Variants in LMBRD1 observed in about 807,000 individuals in gnomAD.
LMBRD1 encodes the protein LMBR1 domain containing 1.
Under a neutral mutation model 74.8 loss-of-function variants are expected in LMBRD1, and 64 were observed. The observed-to-expected ratio is 0.86, with a 90% CI of 0.70 to 1.05. The LOEUF is 1.05. Ranked by LOEUF, LMBRD1 falls within the 50% of genes least tolerant of loss-of-function variation. The probability of loss-of-function intolerance (pLI) is 0.00; values close to 1 mark genes in which losing one functional copy is unlikely to be tolerated. For synonymous variants in LMBRD1, 204 were observed against 216.3 expected (o/e 0.94, Z 0.50); for missense variants, 652 against 645.9 (o/e 1.01, Z -0.10).
chr6:69,745,613 C>G (rs2149873714), intron 5 of LMBRD1, among the ~76,000 whole-genome samples: 1 of 152,312 alleles, frequency 6.6e-6, no homozygotes, highest in South Asian at 2.1e-4. Context: ...TGGCTAATGT[C>G]ATATCCTGTC....
In LMBRD1 at chr6:69,784,792, C is replaced by T. The variant is rs118007304; in HGVS notation, c.247-4238G>A. 5.4e-3 allele frequency among the ~76,000 whole-genome samples: 824 copies of T among 152,286 alleles called. 5 individuals are homozygous for T. Among genetic ancestry groups the T allele is most frequent in the Non-Finnish European group, 7.6e-3 (520 of 68,026 alleles). ...ACCCAACCCTTTCACTTTCACTCAC[C>T]CTTCTGGAGGAAACTGCACCTGCAA... On this transcript the variant is annotated intron_variant, in intron 2 of 15. Transcript: ENST00000649934.
chr6:69,764,924 T>C (rs1418999694), intron 3 of LMBRD1, among the ~76,000 whole-genome samples: 1 of 132,526 alleles, frequency 7.5e-6, no homozygotes, highest in Non-Finnish European at 1.7e-5. Flanking sequence ...CCTTAATTTC[T>C]TTTCTTTTTT....
rs1444846546 is a variant in LMBRD1, at chr6:69,675,981, A to G, written c.*177T>C. On this transcript the variant is annotated 3_prime_UTR_variant, in exon 16 of 16. Coordinates refer to ENST00000649934, the MANE Select transcript of LMBRD1 (RefSeq NM_018368.4). Reference sequence around the variant, plus strand: ...CATAGCATGATTATGGTAATTTAAAATGTTAATCTATGATACAATGTTACT... The same window carrying G: ...CATAGCATGATTATGGTAATTTAAAGTGTTAATCTATGATACAATGTTACT... The G allele has an allele frequency of 5.0e-6, 3 of 604,694 alleles. No homozygotes were observed. The highest frequency in any genetic ancestry group is 8.8e-6 in the Non-Finnish European group (3 of 342,550). 37.5% of individuals were successfully genotyped at this position (604,694 alleles called of 1,614,324 possible). A position where few individuals can be genotyped will look rare whatever the true frequency, so the allele number is the denominator to read the frequency against.
intron 1 of LMBRD1, among the ~76,000 whole-genome samples, chr6:69,794,040 G>A (rs938911797): frequency 1.3e-5 from 2 of 152,210 alleles, no homozygotes; most frequent in African/African-American, 4.8e-5. Context: ...ATATTTAGTA[G>A]ATGATTGGCA....
At chr6:69,756,515 C>T (rs1765269696) in intron 3 of LMBRD1, among the ~76,000 whole-genome samples, 1 of 152,116 alleles carries the variant, frequency 6.6e-6, no homozygotes, top group Non-Finnish European at 1.5e-5. Context: ...AATGCAGAAA[C>T]AACTAACATT....
At chr6:69,719,631 A>G (rs1055373356) in intron 7 of LMBRD1, among the ~76,000 whole-genome samples, 1 of 152,180 alleles carries the variant, frequency 6.6e-6, no homozygotes, top group Non-Finnish European at 1.5e-5. Flanking sequence ...ATTAAGAATA[A>G]ACATGTTATT....
At chr6:69,724,635 T>C (rs145000340) in intron 7 of LMBRD1, among the ~76,000 whole-genome samples, 4 of 151,376 alleles carry the variant, frequency 2.6e-5, no homozygotes, top group African/African-American at 4.8e-5. Context: ...ATCATTTCAA[T>C]TGATGCTGAA....
At chr6:69,724,303 T>C (rs1766678038) in intron 7 of LMBRD1, among the ~76,000 whole-genome samples, 1 of 146,888 alleles carries the variant, frequency 6.8e-6, no homozygotes, top group South Asian at 2.2e-4. Context: ...GAAATAGTTC[T>C]AGTTTCATTC....
intron 7 of LMBRD1, among the ~76,000 whole-genome samples, chr6:69,720,613 G>A (rs987188270): frequency 1.3e-5 from 2 of 151,988 alleles, no homozygotes; most frequent in African/African-American, 4.8e-5. Flanking sequence ...GGTATATTTG[G>A]TATATTGAGC....
intron 3 of LMBRD1, among the ~76,000 whole-genome samples, chr6:69,752,602 T>C (rs956120854): frequency 6.6e-6 from 1 of 152,166 alleles, no homozygotes; most frequent in Non-Finnish European, 1.5e-5. Flanking sequence ...TTTCTAACAA[T>C]AGTAATAACT....
intron 8 of LMBRD1, among the ~76,000 whole-genome samples, chr6:69,715,108 G>A (rs1190242885): frequency 1.3e-5 from 2 of 151,972 alleles, no homozygotes; most frequent in African/African-American, 4.8e-5. Flanking sequence ...GGGATTTTCT[G>A]AAGATCAGAG....
At chr6:69,747,464 C>A (rs1582118425) in intron 5 of LMBRD1, among the ~76,000 whole-genome samples, 1 of 152,214 alleles carries the variant, frequency 6.6e-6, no homozygotes, top group Non-Finnish European at 1.5e-5. Context: ...GCAGCCAAAG[C>A]AGATGAAAAC....
chr6:69,790,608 C>T, intron 1 of LMBRD1, 136 bp from the exon 2 acceptor site: 1 of 817,296 alleles, frequency 1.2e-6, no homozygotes, highest in Non-Finnish European at 2.0e-6. Context: ...AGCCCACTAT[C>T]CCTTAAAAAC....
chr6:69,697,420 C>T, intron 14 of LMBRD1, 143 bp downstream of exon 14: 1 of 638,534 alleles, frequency 1.6e-6, no homozygotes, highest in South Asian at 1.9e-5. Context: ...AGAAATTCTA[C>T]TGAAGAGATT....
At chr6:69,679,452 T>C (rs909389545) in intron 14 of LMBRD1, among the ~76,000 whole-genome samples, 1 of 152,110 alleles carries the variant, frequency 6.6e-6, no homozygotes. Context: ...TTTGTCATTT[T>C]TTTTCCAGTA....
chr6:69,698,965 C>A, intron 13 of LMBRD1, 78 bp downstream of exon 13: 1 of 958,986 alleles, frequency 1.0e-6, no homozygotes, highest in Non-Finnish European at 1.6e-6. Context: ...TTATGCTAAC[C>A]ATCACAATTA....
chr6:69,758,912 C>T (rs1765319816), intron 3 of LMBRD1, among the ~76,000 whole-genome samples: 1 of 152,066 alleles, frequency 6.6e-6, no homozygotes, highest in Non-Finnish European at 1.5e-5. Context: ...CTTCTCCTTG[C>T]ATTAACTGTG....
At chr6:69,741,635 C>G (rs931460210) in intron 6 of LMBRD1, among the ~76,000 whole-genome samples, 154 bp downstream of exon 6, 17 of 152,018 alleles carry the variant, frequency 1.1e-4, no homozygotes, top group African/African-American at 3.6e-4. Flanking sequence ...CCACCCCCCA[C>G]CCCTCGGCCT....
At chr6:69,718,824 G>A in intron 8 of LMBRD1, 132 bp downstream of exon 8, 1 of 865,658 alleles carries the variant, frequency 1.2e-6, no homozygotes, top group Non-Finnish European at 1.9e-6. Context: ...CAGTCAAACT[G>A]TACCAGATAT....
Sources: gnomAD v4.1 joint callset for allele counts (sites outside exome capture counted in the v4.1 genomes callset) on GRCh38, gnomAD v4.1.1 for gene constraint, MANE v1.5 for transcripts, NCBI Gene and HGNC (gene_info 2026-07-23, HGNC 2026-07-21) for gene names.